The following NAV3 variants were observed in gnomAD, a reference collection of about 807,000 sequenced individuals.
NAV3 encodes pore membrane and/or filament interacting like protein 1.
Under a neutral mutation model 244.7 loss-of-function variants are expected in NAV3, and 87 were observed. The ratio of observed to expected loss-of-function variants is 0.36; its 90% CI spans 0.30 to 0.42. The LOEUF is 0.42. NAV3 is among the 20% of genes least tolerant of loss of function. The pLI, the probability that NAV3 is intolerant of heterozygous loss-of-function variation, is 1.00. For missense variants in NAV3, 2,663 were observed against 2,893.3 expected (o/e 0.92, Z 1.83); for synonymous variants, 1,126 against 1,042.2 (o/e 1.08, Z -1.55).
At chr12:77,969,380 G>C (rs1192569506) in intron 5 of NAV3, among the ~76,000 whole-genome samples, 1 of 152,014 alleles carries the variant, frequency 6.6e-6, no homozygotes, top group Non-Finnish European at 1.5e-5. Flanking sequence ...TATATAACAA[G>C]AGATTTATTG....
At position 78,137,083 on chromosome 12, in the gene NAV3, A is replaced by G. The variant is rs575684695; in HGVS notation, c.4442-94A>G. 11 of 1,167,556 alleles carry G rather than the reference A, an allele frequency of 9.4e-6. No homozygotes were observed. The East Asian group carries it at 2.0e-4, about 21-fold the overall frequency. The allele number at this position is 1,167,556 out of a possible 1,614,324, so 72.3% of individuals were successfully genotyped here. A position where few individuals can be genotyped will look rare whatever the true frequency, so the allele number is the denominator to read the frequency against. On this transcript the variant is annotated intron_variant, in intron 18 of 39. Coordinates refer to ENST00000397909, the MANE Select transcript of NAV3 (RefSeq NM_001024383.2). ...GGACTCACTATACATTCATGTTTTC[A>G]TAAGTATTGGGATCATGTTCTTACT...
At chr12:77,584,421 C>CA (rs1869506694) in intron 2 of NAV3, among the ~76,000 whole-genome samples, 1 of 127,756 alleles carries the variant, frequency 7.8e-6, no homozygotes, top group Non-Finnish European at 1.7e-5. Context: ...ACATAGTATA[C>CA]CAAAAAAAAA....
intron 8 of NAV3, among the ~76,000 whole-genome samples, chr12:78,019,326 A>C (rs1432940024): frequency 6.6e-6 from 1 of 152,148 alleles, no homozygotes; most frequent in African/African-American, 2.4e-5. Context: ...GGCTAATATT[A>C]TTTATTCATA....
At chr12:77,837,084 T>A (rs551046370) in intron 1 of NAV3, among the ~76,000 whole-genome samples, 1 of 152,212 alleles carries the variant, frequency 6.6e-6, no homozygotes, top group East Asian at 1.9e-4. Flanking sequence ...ATGTGGACAA[T>A]TCTTTTGCAG....
Position 77,962,469 on chromosome 12 carries a change from C to T in NAV3, c.415-3760C>T, listed in dbSNP as rs1262872812. Among the ~76,000 whole-genome samples, 6 of 152,218 alleles carry T rather than the reference C, an allele frequency of 3.9e-5. No individual in the cohort carries two copies. The East Asian group carries it at 1.2e-3, about 29-fold the overall frequency. Reference sequence around the variant, plus strand: ...TCCTTCTTGTGATTAAAGCCCAAAACCTTGGAGTTATTCTTGACTCTTCTC... The same window carrying T: ...TCCTTCTTGTGATTAAAGCCCAAAATCTTGGAGTTATTCTTGACTCTTCTC... On this transcript the variant is annotated intron_variant, in intron 3 of 39. Transcript: ENST00000397909.
rs1195862670 is a variant in NAV3 at position 77,960,450 on chromosome 12, T to TATACACAC, written c.415-5778_415-5777insTACACACA. ...TTCTGGCCAGTCATATATATATATATACACACACACACACACACACATATA... is the reference window on the plus strand; with the variant it reads ...TTCTGGCCAGTCATATATATATATATATACACACACACACACACACACACACACATATA... On this transcript the variant is annotated intron_variant, in intron 3 of 39. Transcript: ENST00000397909. 8.0e-3 allele frequency among the ~76,000 whole-genome samples: 1,162 copies of TATACACAC among 144,380 alleles called. 21 individuals are homozygous for TATACACAC. The highest frequency in any genetic ancestry group is 0.028 in the African/African-American group (1,102 of 39,190). 94.7% of individuals were successfully genotyped at this position (144,380 alleles called of 152,430 possible). A position where few individuals can be genotyped will look rare whatever the true frequency, so the allele number is the denominator to read the frequency against.
At chr12:77,678,671 T>C (rs1321508046) in intron 2 of NAV3, among the ~76,000 whole-genome samples, 4 of 152,174 alleles carry the variant, frequency 2.6e-5, no homozygotes, top group Admixed American at 2.6e-4. Flanking sequence ...GTTTCTGCTG[T>C]TTACCCCTTT....
chr12:77,898,645 C>T (rs1453657443), intron 1 of NAV3, among the ~76,000 whole-genome samples: 2 of 152,174 alleles, frequency 1.3e-5, no homozygotes, highest in Non-Finnish European at 2.9e-5. Flanking sequence ...ATAAAATCAA[C>T]ATAATTTCCT....
At position 77,692,786 on chromosome 12, in the gene NAV3, C is replaced by T. The variant is rs371462522; in HGVS notation, c.72+120520C>T. Among the ~76,000 whole-genome samples, 5 of 151,912 alleles carry T rather than the reference C, an allele frequency of 3.3e-5. No homozygotes were observed. In the East Asian group the frequency reaches 5.8e-4, roughly 18 times the overall value. On this transcript the variant is annotated intron_variant, in intron 2 of 8. Coordinates refer to the NAV3 transcript ENST00000550042. ...TTTTTAAAAAAAATATGTTTCTGCC[C>T]TTATAAAGCTTAATAGTCCATTGAG... is the stretch of plus-strand genomic sequence containing the variant.
At chr12:78,069,906 G>A (rs1381011547) in intron 12 of NAV3, among the ~76,000 whole-genome samples, 1 of 151,966 alleles carries the variant, frequency 6.6e-6, no homozygotes, top group Non-Finnish European at 1.5e-5. Context: ...TTTCAAGTAT[G>A]TATTTGTAAA....
At chr12:77,929,798 ATT>A (rs10602394) in intron 1 of NAV3, among the ~76,000 whole-genome samples, 7,010 of 106,022 alleles carry the variant, frequency 0.066, 110 homozygotes, top group African/African-American at 0.1. Flanking sequence ...ACGGCCAGCT[ATT>A]TTTTTTTTTT....
At chr12:77,979,195 G>A (rs1869069176) in intron 5 of NAV3, among the ~76,000 whole-genome samples, 1 of 143,602 alleles carries the variant, frequency 7.0e-6, no homozygotes. Context: ...TCAACACTGT[G>A]AGACCTACTC....
intron 12 of NAV3, among the ~76,000 whole-genome samples, chr12:78,069,349 A>C (rs974948992): frequency 5.3e-5 from 8 of 152,002 alleles, no homozygotes; most frequent in African/African-American, 1.9e-4. Flanking sequence ...AAATTCACAG[A>C]GTATACAAAA....
intron 5 of NAV3, among the ~76,000 whole-genome samples, chr12:77,969,588 T>A (rs999245073): frequency 6.6e-6 from 1 of 152,184 alleles, no homozygotes; most frequent in African/African-American, 2.4e-5. Context: ...GGCTCAAGCC[T>A]GTATTCCCAG....
In NAV3 at chr12:78,006,812, G is replaced by A. The variant is rs773789932; in HGVS notation, c.1274G>A (p.Gly425Asp). The change falls in exon 8 of 40, where the codon GGT (glycine) becomes GAT (aspartate). Residue 425 changes from glycine to aspartate, a missense_variant. By Grantham distance (94) the Gly-to-Asp change is moderately conservative. This residue lies in a region of NAV3 where 1,521 missense variants were observed against 1,497.0 expected (regional missense o/e 1.02). Transcript: ENST00000397909. ...TTTTCTGAATCTGGTGAAATGGAAG[G>A]TTTTAACAGTGGTCTGAATAGTGGT... Reference protein sequence around the residue: ...DAFSESGEMEGFNSGLNSGGS... With the variant: ...DAFSESGEMEDFNSGLNSGGS... 2 of 1,614,152 alleles carry A rather than the reference G, an allele frequency of 1.2e-6. No individual in the cohort carries two copies. The highest frequency in any genetic ancestry group is 4.5e-5 in the East Asian group (2 of 44,866).
At chr12:78,113,406 G>C (rs754453621) in intron 12 of NAV3, among the ~76,000 whole-genome samples, 1 of 152,202 alleles carries the variant, frequency 6.6e-6, no homozygotes, top group African/African-American at 2.4e-5. Flanking sequence ...ACTTCTGCCT[G>C]AACATCCAAG....
Position 78,129,984 on chromosome 12 carries a change from T to A in NAV3, c.4441+1118T>A, listed in dbSNP as rs893580820. Among the ~76,000 whole-genome samples the A allele has an allele frequency of 4.6e-5, 7 of 152,194 alleles. 1 individual carries two copies. The South Asian group carries it at 6.2e-4, about 14-fold the overall frequency. ...ACTTCAAGTTAATCATCAACTTCTCTTAGATTTTTGAAGACCTGAAAATAA... is the reference window on the plus strand; with the variant it reads ...ACTTCAAGTTAATCATCAACTTCTCATAGATTTTTGAAGACCTGAAAATAA... On this transcript the variant is annotated intron_variant, in intron 18 of 39. Transcript: ENST00000397909.
At chr12:78,078,691 G>A (rs951512008) in intron 12 of NAV3, among the ~76,000 whole-genome samples, 1 of 151,818 alleles carries the variant, frequency 6.6e-6, no homozygotes, top group Non-Finnish European at 1.5e-5. Context: ...CACCGCGCCC[G>A]GCCTCTTTCC....
At chr12:77,844,981 T>C (rs1248927368) in intron 1 of NAV3, among the ~76,000 whole-genome samples, 2 of 152,192 alleles carry the variant, frequency 1.3e-5, no homozygotes, top group African/African-American at 4.8e-5. Context: ...AGCATCATAA[T>C]AACGTTAAGA....
Sources: allele counts gnomAD v4.1 joint callset (sites outside exome capture counted in the v4.1 genomes callset), GRCh38; gene constraint gnomAD v4.1.1; regional missense constraint gnomAD v4.1.1; transcripts MANE v1.5; gene names NCBI Gene and HGNC (gene_info 2026-07-23, HGNC 2026-07-21).